Variants in KAT6A observed in about 807,000 individuals in gnomAD.
KAT6A encodes histone acetyltransferase KAT6A.
Under a neutral mutation model 198.4 loss-of-function variants are expected in KAT6A, and 9 were observed. That is an observed-to-expected ratio of 0.05 (90% CI 0.03 to 0.08). The LOEUF (loss-of-function observed/expected upper bound fraction) is 0.08, where lower values mean the gene tolerates loss of function less well. Among genes scored for constraint, KAT6A ranks in the 10% least tolerant of loss-of-function variants. KAT6A has a pLI of 1.00. For missense variants in KAT6A, 2,077 were observed against 2,509.9 expected, an observed-to-expected ratio of 0.83 and a Z score of 3.69; for synonymous variants, 890 against 883.0, an observed-to-expected ratio of 1.01 and a Z score of -0.14.
Position 41,932,450 on chromosome 8 carries a change from T to C in KAT6A, c.5770A>G (p.Ser1924Gly), listed in dbSNP as rs775480847. 9.3e-6 allele frequency: 15 copies of C among 1,614,152 alleles called. 1 individual carries two copies. The South Asian group carries it at 1.3e-4, about 14-fold the overall frequency. Residue 1924 changes from serine to glycine, a missense_variant, in exon 17 of 17, where the codon AGC becomes GGC. By Grantham distance (56) the Ser-to-Gly change is moderately conservative. This residue lies in a region of KAT6A where 500 missense variants were observed against 577.2 expected (regional missense o/e 0.87). Coordinates refer to ENST00000265713, the MANE Select transcript of KAT6A (RefSeq NM_006766.5). ...ATCATGGGCTGTGTCATTCGATAGC[T>C]GTTCATGGCATTCAAGGTGTTCATA... is the stretch of plus-strand genomic sequence containing the variant. ...MNMNTLNAMN[S>G]YRMTQPMMNS... is the part of the protein sequence containing the mutation.
At chr8:41,991,461 AG>A (rs1824942835) in intron 2 of KAT6A, among the ~76,000 whole-genome samples, 1 of 152,192 alleles carries the variant, frequency 6.6e-6, no homozygotes, top group African/African-American at 2.4e-5. Flanking sequence ...ACCTTTGGAA[AG>A]GAAGGAAACA....
intron 2 of KAT6A, among the ~76,000 whole-genome samples, chr8:42,022,623 C>A (rs1453009148): frequency 2.0e-5 from 3 of 152,144 alleles, no homozygotes; most frequent in African/African-American, 7.2e-5. Context: ...GTTACTCTCA[C>A]ATACTGGTGA....
chr8:42,001,558 A>G (rs2150902876), intron 2 of KAT6A, among the ~76,000 whole-genome samples: 1 of 152,344 alleles, frequency 6.6e-6, no homozygotes, highest in South Asian at 2.1e-4. Flanking sequence ...CCCACTAAAA[A>G]AACAAGTATG....
Position 41,930,037 on chromosome 8 carries a change from T to G in KAT6A, c.*2168A>C, listed in dbSNP as rs1821447208. The G allele has an allele frequency of 4.4e-6, 1 of 226,558 alleles. No individual in the cohort carries two copies. Among genetic ancestry groups the G allele is most frequent in the Non-Finnish European group, 8.8e-6 (1 of 113,756 alleles). 14.0% of individuals were successfully genotyped at this position (226,558 alleles called of 1,614,324 possible). A position where few individuals can be genotyped will look rare whatever the true frequency, so the allele number is the denominator to read the frequency against. The stretch of plus-strand genomic sequence containing the variant: ...ATATTACTGTGTTGGATAATTTCTT[T>G]TATAATATAGAAAAGAACTTTTTTT... On this transcript the variant is annotated 3_prime_UTR_variant, in exon 17 of 17. Transcript: ENST00000265713.
In KAT6A at chr8:42,048,743, G is replaced by C. The variant is rs777405056; in HGVS notation, c.235C>G (p.Arg79Gly). ...NSYKDPDNPG[R>G]IALPKPRNHG... is the part of the protein sequence containing the mutation. ...TTCCGAGGCTTAGGAAGTGCTATTC[G>C]CCCAGGATTATCAGGATCTTTATAG... The change falls in exon 2 of 17, where the codon CGA (arginine) becomes GGA (glycine). Residue 79 changes from arginine (R) to glycine (G), a missense_variant. Physicochemically the swap from Arg to Gly is moderately radical, Grantham distance 125 (BLOSUM62 -2). This residue lies in a region of KAT6A where 185 missense variants were observed against 185.7 expected (regional missense o/e 1.00). Transcript: ENST00000265713. The C allele has an allele frequency of 6.2e-7, 1 of 1,614,060 alleles. No individual in the cohort carries two copies. The highest frequency in any genetic ancestry group is 1.1e-5 in the South Asian group (1 of 91,074).
At chr8:42,007,961 C>CAA (rs988491987) in intron 2 of KAT6A, among the ~76,000 whole-genome samples, 2,366 of 42,592 alleles carry the variant, frequency 0.056, 295 homozygotes, top group African/African-American at 0.17. Flanking sequence ...GACTCCGTCT[C>CAA]AAAAAAAAAA....
intron 2 of KAT6A, among the ~76,000 whole-genome samples, chr8:41,993,094 GT>G (rs1208202210): frequency 6.6e-6 from 1 of 152,076 alleles, no homozygotes; most frequent in East Asian, 1.9e-4. Flanking sequence ...TATTACTACT[GT>G]TAACACTTCT....
intron 8 of KAT6A, among the ~76,000 whole-genome samples, chr8:41,964,724 A>G (rs1008164225): frequency 5.3e-5 from 8 of 151,844 alleles, no homozygotes; most frequent in Non-Finnish European, 7.4e-5. Context: ...GTTTTTTCCT[A>G]TTCATCCATA....
chr8:41,949,461 G>A, intron 9 of KAT6A, 98 bp from the exon 10 acceptor site: 1 of 841,786 alleles, frequency 1.2e-6, no homozygotes. Context: ...TACTACCCAG[G>A]TAACAGGTTA....
intron 2 of KAT6A, among the ~76,000 whole-genome samples, chr8:41,992,059 G>A (rs532207297): frequency 6.6e-6 from 1 of 152,144 alleles, no homozygotes; most frequent in South Asian, 2.1e-4. Context: ...AAATTATCCG[G>A]GTACGGTGGT....
At chr8:41,956,663 C>T (rs1822933820) in intron 8 of KAT6A, among the ~76,000 whole-genome samples, 1 of 152,180 alleles carries the variant, frequency 6.6e-6, no homozygotes, top group Non-Finnish European at 1.5e-5. Flanking sequence ...CAAATGAAAC[C>T]TCAAGCTCTT....
At chr8:42,034,260 C>T (rs996614398) in intron 2 of KAT6A, among the ~76,000 whole-genome samples, 3 of 152,172 alleles carry the variant, frequency 2.0e-5, no homozygotes, top group African/African-American at 4.8e-5. Context: ...TACTAACATA[C>T]GGGTTGCAAA....
intron 8 of KAT6A, among the ~76,000 whole-genome samples, chr8:41,963,559 T>A (rs1823311980): frequency 6.6e-6 from 1 of 152,262 alleles, no homozygotes. Flanking sequence ...GTCTCCTATC[T>A]ATCTCTTCTA....
chr8:42,044,594 C>CA lies in KAT6A; in HGVS notation c.600+3783dup, dbSNP rs112335333. ...AGTTCCTTCCAAAGGTTAATATCAC[C>CA]AAAAAAAAACAAAAAGTTAGAATTG... is the stretch of plus-strand genomic sequence containing the variant. On this transcript the variant is annotated intron_variant, in intron 2 of 16. Transcript: ENST00000265713. 2.0e-3 allele frequency among the ~76,000 whole-genome samples: 295 copies of CA among 149,304 alleles called. 2 individuals are homozygous for CA. The highest frequency in any genetic ancestry group is 6.2e-3 in the African/African-American group (251 of 40,664).
chr8:42,031,985 A>G (rs1827155392), intron 2 of KAT6A, among the ~76,000 whole-genome samples: 1 of 149,970 alleles, frequency 6.7e-6, no homozygotes, highest in South Asian at 2.1e-4. Context: ...GCTAGAATGC[A>G]GTGGCCCGAT....
intron 2 of KAT6A, among the ~76,000 whole-genome samples, chr8:42,027,299 A>G (rs1296638764): frequency 6.6e-6 from 1 of 152,214 alleles, no homozygotes; most frequent in Non-Finnish European, 1.5e-5. Context: ...CTGGCCTTGT[A>G]GAGTGAGTTA....
At chr8:42,007,961 C>CAAAAAAAAAAA (rs988491987) in intron 2 of KAT6A, among the ~76,000 whole-genome samples, 7 of 42,894 alleles carry the variant, frequency 1.6e-4, no homozygotes, top group African/African-American at 6.2e-4. Context: ...GACTCCGTCT[C>CAAAAAAAAAAA]AAAAAAAAAA....
At chr8:41,946,031 C>CAA (rs879614787) in intron 12 of KAT6A, among the ~76,000 whole-genome samples, 6 of 88,230 alleles carry the variant, frequency 6.8e-5, no homozygotes, top group Admixed American at 1.1e-4. Context: ...CTCTGTCTCT[C>CAA]AAAAAAAAAA....
At chr8:41,989,274 C>T (rs1191735933) in intron 2 of KAT6A, among the ~76,000 whole-genome samples, 1 of 152,006 alleles carries the variant, frequency 6.6e-6, no homozygotes, top group Non-Finnish European at 1.5e-5. Context: ...TTTGGGAGGC[C>T]GAGGCGGGCG....
Sources: gnomAD v4.1 joint callset for allele counts (sites outside exome capture counted in the v4.1 genomes callset) on GRCh38, gnomAD v4.1.1 for gene constraint, gnomAD v4.1.1 regional missense constraint, MANE v1.5 for transcripts, NCBI Gene and HGNC (gene_info 2026-07-23, HGNC 2026-07-21) for gene names.